TGM3: variants seen among roughly 807,000 people sequenced by gnomAD.
TGM3 encodes the protein protein-glutamine gamma-glutamyltransferase E.
A neutral mutation model predicts 73.8 loss-of-function variants in TGM3; 52 were observed. The observed-to-expected ratio is 0.70, with a 90% CI of 0.56 to 0.89. The LOEUF (loss-of-function observed/expected upper bound fraction) is 0.89, where lower values mean the gene tolerates loss of function less well. Among genes scored for constraint, TGM3 ranks in the 40% least tolerant of loss-of-function variants. TGM3 has a pLI of 0.00. For synonymous variants in TGM3, 372 were observed against 354.9 expected (o/e 1.05, Z -0.54); for missense variants, 928 against 909.9 (o/e 1.02, Z -0.26).
intron 5 of TGM3, 80 bp downstream of exon 5, chr20:2,313,106 AC>A: frequency 6.4e-7 from 1 of 1,572,206 alleles, no homozygotes; most frequent in Admixed American, 1.7e-5. Flanking sequence ...CACACTCTTT[AC>A]ATATGTCATC....
At chr20:2,302,214 C>G (rs1224564187) in intron 1 of TGM3, among the ~76,000 whole-genome samples, 1 of 152,118 alleles carries the variant, frequency 6.6e-6, no homozygotes, top group African/African-American at 2.4e-5. Context: ...CCATCACACA[C>G]CCAGCGACCA....
intron 1 of TGM3, among the ~76,000 whole-genome samples, chr20:2,299,998 A>G (rs1448086712): frequency 6.6e-6 from 1 of 151,988 alleles, no homozygotes; most frequent in Non-Finnish European, 1.5e-5. Context: ...TGGGAGGCTG[A>G]GGTTACAGTG....
At position 2,332,208 on chromosome 20, in the gene TGM3, A is replaced by G. The variant is rs143127926; in HGVS notation, c.1540A>G (p.Thr514Ala). 1.5e-5 allele frequency: 25 copies of G among 1,613,978 alleles called. No individual in the cohort carries two copies. The highest frequency in any genetic ancestry group is 1.9e-5 in the Non-Finnish European group (23 of 1,179,992). The change falls in exon 10 of 13, where the codon ACA becomes GCA. Residue 514 changes from threonine to alanine, a missense_variant. Coordinates refer to ENST00000381458, the MANE Select transcript of TGM3 (RefSeq NM_003245.4). This position sits in a 1 kb window ranked among gnomAD's most constrained non-coding sequence, Gnocchi z 4.4. ...LLKNLSRDTK[T>A]VTVNMTAWTI... ...CAAAAACCTGAGCAGGGATACGAAGACAGTGACAGTGAACATGACAGCCTG... is the reference window on the plus strand; with the variant it reads ...CAAAAACCTGAGCAGGGATACGAAGGCAGTGACAGTGAACATGACAGCCTG...
At position 2,340,695 on chromosome 20, in the gene TGM3, A is replaced by G; in HGVS notation, c.*114A>G. The G allele has an allele frequency of 7.1e-7, 1 of 1,417,776 alleles. No homozygotes were observed. Among genetic ancestry groups the G allele is most frequent in the South Asian group, 1.2e-5 (1 of 80,158 alleles). The allele number at this position is 1,417,776 out of a possible 1,614,324, so 87.8% of individuals were successfully genotyped here. On this transcript the variant is annotated 3_prime_UTR_variant, in exon 13 of 13. Coordinates refer to ENST00000381458, the MANE Select transcript of TGM3 (RefSeq NM_003245.4). ...CCTGGGAAACCCTCTCCATCTCCCA[A>G]GGCTGCCAGACATGGACCTCCAGGC...
intron 11 of TGM3, among the ~76,000 whole-genome samples, chr20:2,335,587 C>T (rs1016039928): frequency 1.3e-5 from 2 of 152,246 alleles, no homozygotes; most frequent in African/African-American, 2.4e-5. Flanking sequence ...CTTTTCAGCT[C>T]ATTCCCTTCT....
Position 2,313,022 on chromosome 20 carries a change from C to A in TGM3, c.665C>A (p.Ala222Asp), listed in dbSNP as rs1306160440. The change falls in exon 5 of 13, where the codon GCC becomes GAC. Residue 222 changes from alanine (A) to aspartate (D), a missense_variant. Ala to Asp is a moderately radical substitution (Grantham distance 126, BLOSUM62 -2). Transcript: ENST00000381458. ...DPKYVGRVLS[A>D]MINSNDDNGV... ...AAATACGTTGGCCGGGTGCTGAGTG[C>A]CATGGTGAGTAACAGGAAAACGATC... The A allele has an allele frequency of 6.2e-7, 1 of 1,613,944 alleles. No homozygotes were observed. Among genetic ancestry groups the A allele is most frequent in the Non-Finnish European group, 8.5e-7 (1 of 1,180,022 alleles).
chr20:2,311,210 A>C (rs2084201918), intron 4 of TGM3, 81 bp downstream of exon 4: 1 of 1,142,370 alleles, frequency 8.8e-7, no homozygotes, highest in Non-Finnish European at 1.3e-6. Flanking sequence ...ATCAATGGGA[A>C]GTCCCACATC....
At chr20:2,319,788 G>A (rs772995430) in intron 7 of TGM3, among the ~76,000 whole-genome samples, 9 of 152,218 alleles carry the variant, frequency 5.9e-5, no homozygotes, top group Non-Finnish European at 1.3e-4. Context: ...GATGGTTGGG[G>A]GAGCCAGCCC....
chr20:2,326,006 A>T, intron 8 of TGM3, 54 bp downstream of exon 8: 1 of 1,525,390 alleles, frequency 6.6e-7, no homozygotes, highest in Non-Finnish European at 8.9e-7. Context: ...ATTTACAGCC[A>T]TGGACAGCAG....
chr20:2,325,919 G>T lies in TGM3; in HGVS notation c.1054G>T (p.Val352Leu). The change falls in exon 8 of 13, where the codon GTG becomes TTG. Residue 352 changes from valine to leucine, a missense_variant. Physicochemically the swap from Val to Leu is conservative, Grantham distance 32. Coordinates refer to ENST00000381458, the MANE Select transcript of TGM3 (RefSeq NM_003245.4). The part of the protein sequence containing the change: ...DLGPSYGGWQ[V>L]LDATPQERSQ... The stretch of plus-strand genomic sequence containing the variant: ...GGGCCCCTCGTACGGTGGATGGCAG[G>T]TGTTGGATGCTACCCCGCAGGAAAG... 1 of 1,595,760 alleles carries T rather than the reference G, an allele frequency of 6.3e-7. No homozygotes were observed. Among genetic ancestry groups the T allele is most frequent in the Non-Finnish European group, 8.5e-7 (1 of 1,170,092 alleles).
chr20:2,339,646 G>A (rs1222026954), intron 11 of TGM3, among the ~76,000 whole-genome samples: 1 of 152,140 alleles, frequency 6.6e-6, no homozygotes, highest in Non-Finnish European at 1.5e-5. Flanking sequence ...CCACAGCACA[G>A]GATAATGTCC....
At chr20:2,324,702 T>C (rs1449966065) in intron 7 of TGM3, among the ~76,000 whole-genome samples, 2 of 152,216 alleles carry the variant, frequency 1.3e-5, no homozygotes, top group Non-Finnish European at 2.9e-5. Context: ...CAGGCTCTGC[T>C]CCTGGTTCCT....
At chr20:2,305,650 C>T (rs543367154) in intron 1 of TGM3, among the ~76,000 whole-genome samples, 72 of 152,366 alleles carry the variant, frequency 4.7e-4, no homozygotes, top group African/African-American at 1.7e-3. Flanking sequence ...GCACATCCCA[C>T]AGCCACCCTA....
chr20:2,311,086 G>A lies in TGM3; in HGVS notation c.497G>A (p.Gly166Glu), dbSNP rs2084201206. The A allele has an allele frequency of 6.2e-7, 1 of 1,614,110 alleles. No individual in the cohort carries two copies. The highest frequency in any genetic ancestry group is 8.5e-7 in the Non-Finnish European group (1 of 1,179,996). Residue 166 changes from glycine (G) to glutamate (E), a missense_variant, in exon 4 of 13, where the codon GGA becomes GAA. Coordinates refer to ENST00000381458, the MANE Select transcript of TGM3 (RefSeq NM_003245.4). Reference sequence around the variant, plus strand: ...GAAGATGCCGGCATCATCTTTGTGGGAAGCACAAACCGAATTGGCATGATT... The same window carrying A: ...GAAGATGCCGGCATCATCTTTGTGGAAAGCACAAACCGAATTGGCATGATT... Reference protein sequence around the residue: ...VQEDAGIIFVGSTNRIGMIGW... With the variant: ...VQEDAGIIFVESTNRIGMIGW...
chr20:2,326,225 A>T (rs1253165371), intron 8 of TGM3, among the ~76,000 whole-genome samples: 1 of 152,260 alleles, frequency 6.6e-6, no homozygotes, highest in East Asian at 1.9e-4. Context: ...TTCCTCTGCC[A>T]GTAATGATTT....
Position 2,314,733 on chromosome 20 carries a change from C to T in TGM3, c.669+1707C>T, listed in dbSNP as rs149465266. 7.6e-3 allele frequency among the ~76,000 whole-genome samples: 1,151 copies of T among 152,006 alleles called. 9 individuals are homozygous for T. Among genetic ancestry groups the T allele is most frequent in the Non-Finnish European group, 0.011 (727 of 67,978 alleles). The stretch of plus-strand genomic sequence containing the variant: ...AAAAGCCTATCTCCAAAAAAAAAGG[C>T]GAAAAGTCAAAGTGAATTCTTTACT... On this transcript the variant is annotated intron_variant, in intron 5 of 12. Transcript: ENST00000381458.
At chr20:2,333,963 C>T (rs942389189) in intron 10 of TGM3, among the ~76,000 whole-genome samples, 4 of 152,284 alleles carry the variant, frequency 2.6e-5, no homozygotes, top group Non-Finnish European at 5.9e-5. Context: ...TCCTTCAGTG[C>T]TAAAAGCAGA....
rs777756127 is a variant in TGM3, at chr20:2,332,246, C to T, written c.1578C>T (p.Tyr526=). ...ACATGACAGCCTGGACCATCATCTA[C>T]AACGGCACGCTTGTACATGAAGTGT... is the stretch of plus-strand genomic sequence containing the variant. ...TVNMTAWTII[Y]NGTLVHEVWK... is the part of the protein sequence containing the mutation. Residue 526 remains tyrosine, a synonymous_variant, in exon 10 of 13, where the codon TAC becomes TAT. Transcript: ENST00000381458. The surrounding 1 kb of genome is among the most constrained non-coding windows in gnomAD (Gnocchi z 4.4). 1 of 1,613,906 alleles carries T rather than the reference C, an allele frequency of 6.2e-7. No homozygotes were observed. Among genetic ancestry groups the T allele is most frequent in the South Asian group, 1.1e-5 (1 of 91,036 alleles).
intron 5 of TGM3, among the ~76,000 whole-genome samples, chr20:2,313,760 G>A (rs1371939593): frequency 1.3e-5 from 2 of 152,160 alleles, no homozygotes; most frequent in African/African-American, 4.8e-5. Flanking sequence ...TGGGCGTGGT[G>A]GCTCACGCCT....
Sources: gnomAD v4.1 joint callset for allele counts (sites outside exome capture counted in the v4.1 genomes callset) on GRCh38, gnomAD v4.1.1 for gene constraint, Gnocchi (gnomAD v3.1) non-coding constraint, MANE v1.5 for transcripts, NCBI Gene and HGNC (gene_info 2026-07-23, HGNC 2026-07-21) for gene names.